Variants in MAEL observed in about 807,000 individuals in gnomAD.
MAEL encodes the protein maelstrom spermatogenic transposon silencer.
In MAEL, 46 loss-of-function variants were observed where a neutral mutation model predicts 62.0. That is an observed-to-expected ratio of 0.74 (90% confidence interval 0.59 to 0.95). The LOEUF (loss-of-function observed/expected upper bound fraction) is 0.95, where lower values mean the gene tolerates loss of function less well. MAEL is among the 40% of genes least tolerant of loss of function. The pLI is 0.00. For synonymous variants in MAEL, 172 were observed against 175.5 expected, an observed-to-expected ratio of 0.98 and a Z score of 0.16; for missense variants, 497 against 526.8, an observed-to-expected ratio of 0.94 and a Z score of 0.55.
At chr1:166,989,564 G>A (rs1248521957) in intron 1 of MAEL, 80 bp downstream of exon 1, 2 of 1,534,370 alleles carry the variant, frequency 1.3e-6, no homozygotes, top group Non-Finnish European at 1.8e-6. Context: ...AGAAGGCCTC[G>A]AGGAGGTCAG....
rs749013972 is a variant in MAEL, at chr1:167,004,247, A to G, written c.591A>G (p.Gln197=). The change falls in exon 6 of 12, where the codon CAA becomes CAG. Residue 197 remains glutamine, a synonymous_variant. Transcript: ENST00000367872. ...ERGHNQATVL[Q]NLYRFIHPNP... Reference sequence around the variant, plus strand: ...GGCATAACCAAGCAACTGTGTTACAAAACCTTTATAGATTTATTCATCCCA... The same window carrying G: ...GGCATAACCAAGCAACTGTGTTACAGAACCTTTATAGATTTATTCATCCCA... The G allele has an allele frequency of 1.2e-6, 2 of 1,609,708 alleles. No homozygotes were observed. Among genetic ancestry groups the G allele is most frequent in the Non-Finnish European group, 1.7e-6 (2 of 1,177,970 alleles).
chr1:166,992,755 A>G lies in MAEL; in HGVS notation c.395A>G (p.Gln132Arg), dbSNP rs749507774. 3.7e-6 allele frequency: 6 copies of G among 1,611,928 alleles called. No individual in the cohort carries two copies. Among genetic ancestry groups the G allele is most frequent in the Non-Finnish European group, 5.1e-6 (6 of 1,179,210 alleles). ...GGCGAGCTACCTCCTCATTGTGAACAGCGCTTCCTCCCTTGTGAAATTGGC... is the reference window on the plus strand; with the variant it reads ...GGCGAGCTACCTCCTCATTGTGAACGGCGCTTCCTCCCTTGTGAAATTGGC... ...SHGELPPHCEQRFLPCEIGCV... is the reference protein window; with the variant it reads ...SHGELPPHCERRFLPCEIGCV... The change falls in exon 4 of 12, where the codon CAG becomes CGG. Residue 132 changes from glutamine to arginine, a missense_variant. Gln to Arg is a conservative substitution (Grantham distance 43). Coordinates refer to ENST00000367872, the MANE Select transcript of MAEL (RefSeq NM_032858.3).
rs1329726880 is a variant in MAEL, at chr1:167,014,508, A to G, written c.846-1714A>G. On this transcript the variant is annotated intron_variant, in intron 8 of 11. Coordinates refer to ENST00000367872, the MANE Select transcript of MAEL (RefSeq NM_032858.3). ...TCTAGTGTGAAGATACTAGTCATGT[A>G]TGGTAAATTCTGGTAGAATTCCAAA... is the stretch of plus-strand genomic sequence containing the variant. 5.3e-5 allele frequency among the ~76,000 whole-genome samples: 8 copies of G among 152,342 alleles called. No homozygotes were observed. In the East Asian group the frequency reaches 1.4e-3, roughly 26 times the overall value.
intron 8 of MAEL, among the ~76,000 whole-genome samples, chr1:167,015,886 T>G (rs975990178): frequency 6.6e-6 from 1 of 152,224 alleles, no homozygotes; most frequent in Admixed American, 6.5e-5. Flanking sequence ...TTTTCAATAC[T>G]GTATTTCTAG....
intron 8 of MAEL, among the ~76,000 whole-genome samples, chr1:167,006,601 C>CCATATATATATATATATATA (rs1295162731): frequency 2.0e-4 from 20 of 98,084 alleles, no homozygotes; most frequent in African/African-American, 4.5e-4. Context: ...TGGTTTTTTA[C>CCATATATATATATATATATA]TATATATATA....
chr1:166,997,291 G>A (rs571384024), intron 5 of MAEL, among the ~76,000 whole-genome samples: 8 of 152,322 alleles, frequency 5.3e-5, no homozygotes, highest in South Asian at 2.1e-4. Flanking sequence ...ATCCTGGGCC[G>A]CATGAGGCCT....
Position 166,989,419 on chromosome 1 carries a change from C to A in MAEL, c.67C>A (p.Arg23=). 1 of 1,602,762 alleles carries A rather than the reference C, an allele frequency of 6.2e-7. No homozygotes were observed. Among genetic ancestry groups the A allele is most frequent in the Non-Finnish European group, 8.5e-7 (1 of 1,174,956 alleles). The change falls in exon 1 of 12, where the codon CGG becomes AGG. Residue 23 remains arginine (R), a synonymous_variant. Transcript: ENST00000367872. ...CGTGCAGGAGAAGATCCCCGAACTA[C>A]GGCGACGAGGCCTGCCTGTGGCTCG... ...FFVQEKIPEL[R]RRGLPVARVA...
rs1327625158 is a variant in MAEL, at chr1:166,991,469, G to T, written c.317G>T (p.Gly106Val). ...PPDMSALSLKGDQALLGGIFY... is the reference protein window; with the variant it reads ...PPDMSALSLKVDQALLGGIFY... ...GATATGTCAGCTTTGTCTTTAAAAG[G>T]TGATCAAGGTAGAGTAATCCTGAAA... is the stretch of plus-strand genomic sequence containing the variant. The change falls in exon 3 of 12, where the codon GGT (glycine) becomes GTT (valine). Residue 106 changes from glycine to valine, a missense_variant. By Grantham distance (109) the Gly-to-Val change is moderately radical. Coordinates refer to ENST00000367872, the MANE Select transcript of MAEL (RefSeq NM_032858.3). 6.2e-7 allele frequency: 1 copy of T among 1,600,702 alleles called. No homozygotes were observed. The highest frequency in any genetic ancestry group is 1.1e-5 in the South Asian group (1 of 90,794).
At chr1:167,020,334 C>A (rs188298705) in intron 10 of MAEL, among the ~76,000 whole-genome samples, 1 of 152,204 alleles carries the variant, frequency 6.6e-6, no homozygotes, top group African/African-American at 2.4e-5. Context: ...CAGATACTAA[C>A]CCTGATTACA....
At position 167,014,288 on chromosome 1, in the gene MAEL, T is replaced by C. The variant is rs138552901; in HGVS notation, c.846-1934T>C. ...CATCTTGAACCAGAAACCCCAGCAA[T>C]AGTAGTATTAAGAGATGCAGTTTTA... is the stretch of plus-strand genomic sequence containing the variant. On this transcript the variant is annotated intron_variant, in intron 8 of 11. Transcript: ENST00000367872. Among the ~76,000 whole-genome samples the C allele has an allele frequency of 5.7e-3, 862 of 152,300 alleles. 9 individuals are homozygous for C. Among genetic ancestry groups the C allele is most frequent in the African/African-American group, 0.02 (817 of 41,562 alleles).
At chr1:167,014,364 G>A (rs1020268572) in intron 8 of MAEL, among the ~76,000 whole-genome samples, 4 of 152,126 alleles carry the variant, frequency 2.6e-5, no homozygotes, top group African/African-American at 9.7e-5. Flanking sequence ...ATGAGCTTTT[G>A]ATACTTAGCA....
intron 1 of MAEL, among the ~76,000 whole-genome samples, chr1:166,984,049 G>T (rs1015071830): frequency 6.7e-6 from 1 of 149,760 alleles, no homozygotes; most frequent in Non-Finnish European, 1.5e-5. Context: ...GCAGATAACA[G>T]AAATTATTGG....
chr1:167,012,878 T>G (rs1665228715), intron 8 of MAEL, among the ~76,000 whole-genome samples: 1 of 142,530 alleles, frequency 7.0e-6, no homozygotes, highest in Admixed American at 6.8e-5. Context: ...ATGCACAAGA[T>G]GAGGTTGAAG....
chr1:166,993,441 T>C (rs1887536), intron 4 of MAEL, among the ~76,000 whole-genome samples: 10,543 of 152,264 alleles, frequency 0.069, 504 homozygotes, highest in East Asian at 0.28. Context: ...TGAAGGTAAG[T>C]AGGAAAAATA....
At chr1:167,013,853 G>C (rs1385307812) in intron 8 of MAEL, among the ~76,000 whole-genome samples, 1 of 152,200 alleles carries the variant, frequency 6.6e-6, no homozygotes, top group Non-Finnish European at 1.5e-5. Flanking sequence ...GAAAGGCTTT[G>C]CTCTAAGGTA....
At chr1:166,989,579 C>T in intron 1 of MAEL, 95 bp downstream of exon 1, 11 of 1,515,920 alleles carry the variant, frequency 7.3e-6, no homozygotes, top group Non-Finnish European at 9.8e-6. Context: ...GGTCAGGCGG[C>T]TTGGCCCTGC....
rs557917760 is a variant in MAEL at position 167,001,922 on chromosome 1, T to C, written c.524-2258T>C. 3.3e-4 allele frequency among the ~76,000 whole-genome samples: 51 copies of C among 152,276 alleles called. 1 individual carries two copies. The South Asian group carries it at 7.9e-3, about 24-fold the overall frequency. The stretch of plus-strand genomic sequence containing the variant: ...TCAGCCTCCTGAGTAGCTGGAATTA[T>C]AGGTGCACGTCACACGCCCAGCTAA... On this transcript the variant is annotated intron_variant, in intron 5 of 11. Transcript: ENST00000367872.
Position 166,991,161 on chromosome 1 carries a change from G to A in MAEL, c.226-217G>A, listed in dbSNP as rs554925470. On this transcript the variant is annotated intron_variant, in intron 2 of 11. Coordinates refer to ENST00000367872, the MANE Select transcript of MAEL (RefSeq NM_032858.3). The stretch of plus-strand genomic sequence containing the variant: ...GGGCAAAATGGCTTTCAGTAGTAGT[G>A]GCATTGGTTATTTACCACTCCCCTT... Among the ~76,000 whole-genome samples the A allele has an allele frequency of 1.1e-4, 17 of 152,224 alleles. No individual in the cohort carries two copies. The South Asian group carries it at 3.3e-3, about 30-fold the overall frequency.
At chr1:167,007,587 GTGTGTGTGTGTA>G (rs146454310) in intron 8 of MAEL, among the ~76,000 whole-genome samples, 23,172 of 129,996 alleles carry the variant, frequency 0.18, 2,010 homozygotes, top group African/African-American at 0.29. Context: ...GTGTGTGTGT[GTGTGTGTGTGTA>G]TGTACACACA....
Sources: allele counts gnomAD v4.1 joint callset (sites outside exome capture counted in the v4.1 genomes callset), GRCh38; gene constraint gnomAD v4.1.1; transcripts MANE v1.5; gene names NCBI Gene and HGNC (gene_info 2026-07-23, HGNC 2026-07-21).